Variants in DMD observed in about 807,000 individuals in gnomAD.
DMD encodes mutant dystrophin.
Under a neutral mutation model 330.1 loss-of-function variants are expected in DMD, and 63 were observed. The observed-to-expected ratio is 0.19, with a 90% CI of 0.16 to 0.24. DMD has a LOEUF of 0.24. DMD is among the 10% of genes least tolerant of loss of function. The pLI is 1.00. For synonymous variants in DMD, 1,223 were observed against 959.8 expected (o/e 1.27, Z -5.07); for missense variants, 3,344 against 2,684.1 (o/e 1.25, Z -5.43).
Position 31,554,899 on chromosome X carries a change from G to A in DMD, c.8218-47446C>T, listed in dbSNP as rs899617465. Among the ~76,000 whole-genome samples, 3 of 111,852 alleles carry A rather than the reference G, an allele frequency of 2.7e-5. No individual in the cohort carries two copies. In the Admixed American group the frequency reaches 2.8e-4, roughly 11 times the overall value. On this transcript the variant is annotated intron_variant, in intron 55 of 78. Coordinates refer to ENST00000357033, the MANE Select transcript of DMD (RefSeq NM_004006.3). ...AGCACATTGAAGGTGCAGGAGATCC[G>A]GTTTGGGATGTTCAGGAATCTATTT...
chrX:32,939,674 T>TC (rs199647478), intron 2 of DMD, among the ~76,000 whole-genome samples: 3,499 of 111,619 alleles, frequency 0.031, 57 homozygotes, highest in Non-Finnish European at 0.049. Context: ...TTCTCATATA[T>TC]CCATCTAAAA....
At chrX:31,903,326 C>T (rs2149822916) in intron 47 of DMD, among the ~76,000 whole-genome samples, 1 of 111,329 alleles carries the variant, frequency 9.0e-6, no homozygotes, top group East Asian at 2.8e-4. Flanking sequence ...CTGTTGTTAC[C>T]ACATTGGAGA....
intron 4 of DMD, among the ~76,000 whole-genome samples, chrX:32,844,097 A>G (rs1434953659): frequency 8.9e-6 from 1 of 111,784 alleles, no homozygotes; most frequent in Non-Finnish European, 1.9e-5. Flanking sequence ...TTTGTTGCAC[A>G]AAACACTGCC....
At chrX:33,298,811 C>A (rs1208385663) in intron 1 of DMD, among the ~76,000 whole-genome samples, 1 of 111,506 alleles carries the variant, frequency 9.0e-6, no homozygotes, top group Non-Finnish European at 1.9e-5. Context: ...GTAAAACATT[C>A]AATGGCTCTT....
In DMD at chrX:33,155,328, T is replaced by A. The variant is rs752382546; in HGVS notation, c.31+55954A>T. 9.2e-5 allele frequency among the ~76,000 whole-genome samples: 10 copies of A among 108,629 alleles called. No individual in the cohort carries two copies. In the South Asian group the frequency reaches 3.7e-3, roughly 40 times the overall value. The allele number at this position is 108,629 out of a possible 115,157, so 94.3% of individuals were successfully genotyped here. On this transcript the variant is annotated intron_variant, in intron 1 of 78. Transcript: ENST00000357033. ...GTTTATGAGCCTTTCTCTTTTTTTTTTTTTTTAGACAGAGTCTTGCTCTGT... is the reference window on the plus strand; with the variant it reads ...GTTTATGAGCCTTTCTCTTTTTTTTATTTTTTAGACAGAGTCTTGCTCTGT...
chrX:32,800,797 G>A (rs922548790), intron 7 of DMD, among the ~76,000 whole-genome samples: 8 of 110,702 alleles, frequency 7.2e-5, no homozygotes, highest in East Asian at 2.9e-4. Flanking sequence ...AGAACATGCC[G>A]AGTTTGATTT....
intron 45 of DMD, among the ~76,000 whole-genome samples, chrX:31,962,555 C>T (rs1054608018): frequency 2.7e-5 from 3 of 112,073 alleles, no homozygotes; most frequent in African/African-American, 9.7e-5. Context: ...AATGAAACAT[C>T]TGTTACTCAG....
chrX:32,849,738 C>T lies in DMD; in HGVS notation c.176G>A (p.Gly59Glu). 8.3e-7 allele frequency: 1 copy of T among 1,204,298 alleles called. No individual in the cohort carries two copies. The highest frequency in any genetic ancestry group is 2.3e-4 in the Middle Eastern group (1 of 4,335). Residue 59 changes from glycine to glutamate, a missense_variant, in exon 3 of 79, where the codon GGG becomes GAG. Gly to Glu is a moderately conservative substitution (Grantham distance 98). Coordinates refer to ENST00000357033, the MANE Select transcript of DMD (RefSeq NM_004006.3). The stretch of plus-strand genomic sequence containing the variant: ...AAATAAGTCACATACCAGTTTTTGC[C>T]CTGTCAGGCCTTCGAGGAGGTCTAG... ...RLLDLLEGLT[G>E]QKLPKEKGST...
intron 60 of DMD, among the ~76,000 whole-genome samples, chrX:31,366,336 A>G (rs930629491): frequency 9.3e-5 from 10 of 107,834 alleles, no homozygotes; most frequent in Admixed American, 5.0e-4. Flanking sequence ...GCAGAGGAAG[A>G]GAGATAAGTG....
rs1436187911 is a variant in DMD at position 31,863,653 on chromosome X, G to T, written c.7098+11535C>A. ...ATGTTTAATAATTATTTATCAAAAG[G>T]TACATATATTTAGGTTATTTGGTTA... On this transcript the variant is annotated intron_variant, in intron 48 of 78. Transcript: ENST00000357033. 3.6e-5 allele frequency among the ~76,000 whole-genome samples: 4 copies of T among 111,107 alleles called. No homozygotes were observed. In the Admixed American group the frequency reaches 3.8e-4, roughly 11 times the overall value.
At chrX:32,986,032 T>G (rs1205917927) in intron 2 of DMD, among the ~76,000 whole-genome samples, 1 of 111,892 alleles carries the variant, frequency 8.9e-6, no homozygotes, top group African/African-American at 3.2e-5. Flanking sequence ...ATTACTTTTC[T>G]AAATTGCGAC....
chrX:33,324,355 T>G (rs1035421814), intron 1 of DMD, among the ~76,000 whole-genome samples: 14 of 111,323 alleles, frequency 1.3e-4, no homozygotes, highest in African/African-American at 4.2e-4. Context: ...GGTAGGGTAG[T>G]TCCCACAAAC....
chrX:31,219,676 C>G (rs1021730698), intron 64 of DMD, among the ~76,000 whole-genome samples: 1 of 110,308 alleles, frequency 9.1e-6, no homozygotes, highest in African/African-American at 3.3e-5. Context: ...TATTTATCAT[C>G]TCCTCTTGGG....
intron 39 of DMD, 99 bp downstream of exon 39, chrX:32,345,844 A>G: frequency 1.6e-6 from 1 of 627,226 alleles, no homozygotes; most frequent in Non-Finnish European, 2.2e-6. Flanking sequence ...GTTTCTGATG[A>G]CTAAGTCTGA....
At chrX:32,392,116 G>A (rs1331298517) in intron 30 of DMD, among the ~76,000 whole-genome samples, 2 of 111,827 alleles carry the variant, frequency 1.8e-5, no homozygotes, top group Non-Finnish European at 3.8e-5. Flanking sequence ...TTGTGCTTAC[G>A]AAGTCCCTAG....
chrX:31,302,186 C>T (rs2054699271), intron 62 of DMD, among the ~76,000 whole-genome samples: 1 of 111,638 alleles, frequency 9.0e-6, no homozygotes, highest in African/African-American at 3.3e-5. Flanking sequence ...GTATCTATTA[C>T]GCTATCTAAG....
intron 55 of DMD, among the ~76,000 whole-genome samples, chrX:31,581,954 A>G (rs747696810): frequency 8.9e-6 from 1 of 111,951 alleles, no homozygotes; most frequent in Admixed American, 9.5e-5. Context: ...GTATCTTTAC[A>G]TACTTGTATA....
chrX:32,950,120 G>A (rs1239197503), intron 2 of DMD, among the ~76,000 whole-genome samples: 1 of 110,649 alleles, frequency 9.0e-6, no homozygotes, highest in Non-Finnish European at 1.9e-5. Context: ...TCATTATGTA[G>A]ACAGTAGTTG....
intron 33 of DMD, 113 bp downstream of exon 33, chrX:32,386,197 G>C (rs1416897426): frequency 1.3e-6 from 1 of 789,498 alleles, no homozygotes; most frequent in African/African-American, 2.1e-5. Flanking sequence ...TACATAGAGA[G>C]AGAGAGGTGT....
Sources: gnomAD v4.1 joint callset for allele counts (sites outside exome capture counted in the v4.1 genomes callset) on GRCh38, gnomAD v4.1.1 for gene constraint, MANE v1.5 for transcripts, NCBI Gene and HGNC (gene_info 2026-07-23, HGNC 2026-07-21) for gene names.